Variants in COTL1 observed in about 807,000 individuals in gnomAD.
COTL1 encodes the protein coactosin like F-actin binding protein 1.
A neutral mutation model predicts 16.5 loss-of-function variants in COTL1; 15 were observed. That is an observed-to-expected ratio of 0.91 (90% CI 0.61 to 1.40). COTL1 has a LOEUF of 1.40. COTL1 is among the 40% of genes most tolerant of loss of function. The pLI, the probability that COTL1 is intolerant of heterozygous loss-of-function variation, is 0.00. For missense variants in COTL1, 220 were observed against 201.5 expected, an observed-to-expected ratio of 1.09 and a Z score of -0.56; for synonymous variants, 112 against 85.3, an observed-to-expected ratio of 1.31 and a Z score of -1.73.
At chr16:84,584,186 C>T (rs567589148) in intron 3 of COTL1, among the ~76,000 whole-genome samples, 2 of 152,242 alleles carry the variant, frequency 1.3e-5, no homozygotes, top group Admixed American at 6.5e-5. Context: ...GCCAGCCGTG[C>T]GTGCTGTGCG....
At chr16:84,578,308 T>C (rs1266492584) in intron 3 of COTL1, among the ~76,000 whole-genome samples, 1 of 152,214 alleles carries the variant, frequency 6.6e-6, no homozygotes, top group East Asian at 1.9e-4. Flanking sequence ...AATAACAACA[T>C]ACATACTCAA....
intron 2 of COTL1, among the ~76,000 whole-genome samples, chr16:84,607,370 C>G (rs8046500): frequency 0.12 from 17,615 of 152,052 alleles, 1,095 homozygotes; most frequent in Admixed American, 0.14. Flanking sequence ...CTGAGAGCCT[C>G]GGACACAGAT....
At chr16:84,582,077 T>C (rs1597171539) in intron 3 of COTL1, among the ~76,000 whole-genome samples, 1 of 143,464 alleles carries the variant, frequency 7.0e-6, no homozygotes, top group South Asian at 2.3e-4. Flanking sequence ...AACCTCTGCC[T>C]CCTGGGTTCA....
chr16:84,579,202 A>C (rs565762142), intron 3 of COTL1, among the ~76,000 whole-genome samples: 2 of 152,354 alleles, frequency 1.3e-5, no homozygotes, highest in Admixed American at 1.3e-4. Flanking sequence ...TGGCCATTAC[A>C]ATAATAGAAA....
At position 84,565,987 on chromosome 16, in the gene COTL1, C is replaced by T. The variant is rs1269220793; in HGVS notation, c.*858G>A. ...CTCTCCTTAAATTCCCAGTCCCCAC[C>T]CTGGGCCTCTCTCCCTAACGATCTT... On this transcript the variant is annotated 3_prime_UTR_variant, in exon 4 of 4. Transcript: ENST00000262428. 6.6e-6 allele frequency: 1 copy of T among 152,514 alleles called. No homozygotes were observed. Among genetic ancestry groups the T allele is most frequent in the Non-Finnish European group, 1.5e-5 (1 of 68,088 alleles). 9.4% of individuals were successfully genotyped at this position (152,514 alleles called of 1,614,324 possible).
chr16:84,581,164 A>ATGTATGTATGTATGT (rs1391540848), intron 3 of COTL1, among the ~76,000 whole-genome samples: 9,152 of 146,808 alleles, frequency 0.062, 382 homozygotes, highest in African/African-American at 0.11. Context: ...CAAACAAATA[A>ATGTATGTATGTATGT]ATATATGTAT....
chr16:84,615,568 G>T (rs557640424), intron 2 of COTL1, among the ~76,000 whole-genome samples: 2 of 152,350 alleles, frequency 1.3e-5, no homozygotes, highest in East Asian at 1.9e-4. Flanking sequence ...CTGAATTTAG[G>T]GAGGGAAGCT....
intron 3 of COTL1, among the ~76,000 whole-genome samples, chr16:84,573,188 G>T (rs554452837): frequency 6.6e-6 from 1 of 152,292 alleles, no homozygotes; most frequent in African/African-American, 2.4e-5. Context: ...ATGCTAAAAG[G>T]TACTGACGAG....
At chr16:84,570,969 CT>C (rs1359577317) in intron 3 of COTL1, among the ~76,000 whole-genome samples, 1 of 144,082 alleles carries the variant, frequency 6.9e-6, no homozygotes, top group Non-Finnish European at 1.5e-5. Context: ...TTTTTTTTTC[CT>C]TTTTTGCCTC....
At chr16:84,593,367 G>T (rs551766022) in intron 2 of COTL1, among the ~76,000 whole-genome samples, 1 of 152,362 alleles carries the variant, frequency 6.6e-6, no homozygotes, top group African/African-American at 2.4e-5. Context: ...CAGGGCACAG[G>T]AGACCCCGAG....
At chr16:84,582,006 G>C (rs1273804817) in intron 3 of COTL1, among the ~76,000 whole-genome samples, 1 of 101,176 alleles carries the variant, frequency 9.9e-6, no homozygotes, top group African/African-American at 4.0e-5. Flanking sequence ...TTTTTTTTGA[G>C]ATGGAGTCTT....
At chr16:84,585,396 C>T (rs528305475) in intron 3 of COTL1, among the ~76,000 whole-genome samples, 1 of 151,824 alleles carries the variant, frequency 6.6e-6, no homozygotes, top group Admixed American at 6.6e-5. Flanking sequence ...CAAGTTCCTC[C>T]ACATCAATGA....
At chr16:84,593,735 G>A (rs1028258806) in intron 2 of COTL1, among the ~76,000 whole-genome samples, 2 of 152,010 alleles carry the variant, frequency 1.3e-5, no homozygotes, top group South Asian at 2.1e-4. Flanking sequence ...TCCTGACCTC[G>A]TGATCCGCCC....
rs1481295587 is a variant in COTL1, at chr16:84,590,867, G to A, written c.161-605C>T. On this transcript the variant is annotated intron_variant, in intron 2 of 3. Transcript: ENST00000262428. The surrounding 1 kb of genome is among the most constrained non-coding windows in gnomAD (Gnocchi z 5.5). ...GCAAGGGGGGTGCTGGGTATGAAGAGGAAACAAAGAAAATGGCTCTTAATT... is the reference window on the plus strand; with the variant it reads ...GCAAGGGGGGTGCTGGGTATGAAGAAGAAACAAAGAAAATGGCTCTTAATT... Among the ~76,000 whole-genome samples, 1 of 152,082 alleles carries A rather than the reference G, an allele frequency of 6.6e-6. No individual in the cohort carries two copies. Among genetic ancestry groups the A allele is most frequent in the Admixed American group, 6.6e-5 (1 of 15,264 alleles).
chr16:84,591,095 G>T (rs939916205), intron 2 of COTL1, among the ~76,000 whole-genome samples: 10 of 151,852 alleles, frequency 6.6e-5, no homozygotes, highest in African/African-American at 1.9e-4. Context: ...TTATTATCAT[G>T]ACTTTAAAAT....
Position 84,566,752 on chromosome 16 carries a change from T to G in COTL1, c.*93A>C. 1 of 798,124 alleles carries G rather than the reference T, an allele frequency of 1.3e-6. No homozygotes were observed. The highest frequency in any genetic ancestry group is 2.1e-6 in the Non-Finnish European group (1 of 474,212). The allele number at this position is 798,124 out of a possible 1,614,324, so 49.4% of individuals were successfully genotyped here. A position where few individuals can be genotyped will look rare whatever the true frequency, so the allele number is the denominator to read the frequency against. ...CTCTCATGGCTTCTTTTCTCCCTGG[T>G]GGGCTGGTGGGCTAGTAGCTGAGGC... On this transcript the variant is annotated 3_prime_UTR_variant, in exon 4 of 4. Transcript: ENST00000262428.
At chr16:84,577,433 C>G (rs1904478937) in intron 3 of COTL1, among the ~76,000 whole-genome samples, 1 of 152,272 alleles carries the variant, frequency 6.6e-6, no homozygotes, top group African/African-American at 2.4e-5. Flanking sequence ...TTAGTAGAGA[C>G]AGGGTTTCAC....
intron 3 of COTL1, 32 bp from the exon 4 acceptor site, chr16:84,566,987 A>G: frequency 6.6e-7 from 1 of 1,511,980 alleles, no homozygotes; most frequent in South Asian, 1.1e-5. Context: ...CAGCGTTCCT[A>G]TTAAGAAGGA....
Position 84,566,815 on chromosome 16 carries a change from T to C in COTL1, c.*30A>G. The C allele has an allele frequency of 6.7e-7, 1 of 1,499,618 alleles. No individual in the cohort carries two copies. The highest frequency in any genetic ancestry group is 9.3e-7 in the Non-Finnish European group (1 of 1,077,116). The allele number at this position is 1,499,618 out of a possible 1,614,324, so 92.9% of individuals were successfully genotyped here. On this transcript the variant is annotated 3_prime_UTR_variant, in exon 4 of 4. Coordinates refer to ENST00000262428, the MANE Select transcript of COTL1 (RefSeq NM_021149.5). The stretch of plus-strand genomic sequence containing the variant: ...CCCCCGGGGAGCAGGCAGATGACTT[T>C]GGCAAGGGGTGGTGTGGCGGGGGCT...
Sources: gnomAD v4.1 joint callset for allele counts (sites outside exome capture counted in the v4.1 genomes callset) on GRCh38, gnomAD v4.1.1 for gene constraint, Gnocchi (gnomAD v3.1) non-coding constraint, MANE v1.5 for transcripts, NCBI Gene and HGNC (gene_info 2026-07-23, HGNC 2026-07-21) for gene names.